The following TM2D3 variants were observed in gnomAD, a reference collection of about 807,000 sequenced individuals.
The protein encoded by TM2D3 is TM2 domain-containing protein 3.
In TM2D3, 33 loss-of-function variants were observed where a neutral mutation model predicts 27.3. That is an observed-to-expected ratio of 1.21 (90% CI 0.92 to 1.61). The LOEUF (loss-of-function observed/expected upper bound fraction) is 1.61, where lower values mean the gene tolerates loss of function less well. TM2D3 is among the 40% of genes most tolerant of loss of function. TM2D3 has a pLI of 0.00. For synonymous variants in TM2D3, 138 were observed against 122.2 expected (o/e 1.13, Z -0.85); for missense variants, 364 against 320.8 (o/e 1.13, Z -1.03).
At chr15:101,649,600 T>C (rs1896915235) in intron 3 of TM2D3, among the ~76,000 whole-genome samples, 1 of 152,244 alleles carries the variant, frequency 6.6e-6, no homozygotes, top group Admixed American at 6.5e-5. Context: ...AGATAAGCAC[T>C]GGCCCTTCAA....
At chr15:101,651,261 C>T (rs948685592) in intron 2 of TM2D3, 3 of 159,004 alleles carry the variant, frequency 1.9e-5, no homozygotes, top group African/African-American at 7.2e-5. Flanking sequence ...TGTTCAAGAT[C>T]CCAGTAGCAA....
At chr15:101,638,612 C>T (rs1285560666), downstream of TM2D3, among the ~76,000 whole-genome samples, 1 of 152,098 alleles carries the variant, frequency 6.6e-6, no homozygotes, top group Non-Finnish European at 1.5e-5. Context: ...GTGAGACTTT[C>T]TGAGTTTTGT....
At chr15:101,647,767 C>G (rs1024721548) in intron 3 of TM2D3, among the ~76,000 whole-genome samples, 1 of 152,020 alleles carries the variant, frequency 6.6e-6, no homozygotes, top group Admixed American at 6.6e-5. Flanking sequence ...ACTGAAAGCA[C>G]TTTGTAGTCT....
At chr15:101,651,583 A>T (rs925904387) in intron 2 of TM2D3, 113 bp downstream of exon 2, 9 of 1,055,124 alleles carry the variant, frequency 8.5e-6, no homozygotes, top group Non-Finnish European at 1.3e-5. Context: ...AAAATACAAT[A>T]AATATTCAAA....
chr15:101,642,346 A>G lies in TM2D3; in HGVS notation c.*133T>C, dbSNP rs1896689108. On this transcript the variant is annotated 3_prime_UTR_variant, in exon 6 of 6. Transcript: ENST00000333202. ...CATAGTTCAGCGTTTCATTTATCTT[A>G]CCTTTATCAAGGCAAACAAAGTACA... 7.4e-7 allele frequency: 1 copy of G among 1,348,398 alleles called. No homozygotes were observed. Among genetic ancestry groups the G allele is most frequent in the African/African-American group, 1.5e-5 (1 of 67,388 alleles). 83.5% of individuals were successfully genotyped at this position (1,348,398 alleles called of 1,614,324 possible). A position where few individuals can be genotyped will look rare whatever the true frequency, so the allele number is the denominator to read the frequency against.
At chr15:101,638,248 T>G (rs948573075), downstream of TM2D3, among the ~76,000 whole-genome samples, 2 of 150,318 alleles carry the variant, frequency 1.3e-5, no homozygotes, top group Non-Finnish European at 2.9e-5. Flanking sequence ...TATAGATACC[T>G]CTCTTTCTCC....
At chr15:101,651,840 G>A (rs1896983960) in intron 1 of TM2D3, 67 bp from the exon 2 acceptor site, 7 of 1,542,512 alleles carry the variant, frequency 4.5e-6, no homozygotes, top group Admixed American at 1.7e-5. Context: ...TATTTTGTGT[G>A]GTTAACACGG....
chr15:101,644,509 C>T (rs181935308), intron 5 of TM2D3, among the ~76,000 whole-genome samples: 8 of 152,306 alleles, frequency 5.3e-5, no homozygotes, highest in African/African-American at 1.9e-4. Flanking sequence ...GGGTCTCAGG[C>T]ACGAACTCAA....
At chr15:101,642,930 C>T (rs1896705877) in intron 5 of TM2D3, among the ~76,000 whole-genome samples, 1 of 152,056 alleles carries the variant, frequency 6.6e-6, no homozygotes, top group South Asian at 2.1e-4. Context: ...CAAAATAAAG[C>T]AAAGACCCAG....
chr15:101,641,518 G>A (rs998174114), downstream of TM2D3, among the ~76,000 whole-genome samples: 2 of 152,234 alleles, frequency 1.3e-5, no homozygotes, highest in African/African-American at 4.8e-5. Context: ...GTGGTTAACA[G>A]TCTTCTGGAT....
intron 3 of TM2D3, among the ~76,000 whole-genome samples, chr15:101,647,512 C>A (rs1896846606): frequency 6.6e-6 from 1 of 152,210 alleles, no homozygotes; most frequent in Non-Finnish European, 1.5e-5. Flanking sequence ...CCAGAGGCAG[C>A]CCAACTCAGA....
chr15:101,647,101 A>G (rs1896834489), intron 3 of TM2D3, among the ~76,000 whole-genome samples: 1 of 152,184 alleles, frequency 6.6e-6, no homozygotes, highest in Non-Finnish European at 1.5e-5. Context: ...ATAAAACTAC[A>G]CACCCAAACA....
Position 101,646,702 on chromosome 15 carries a change from A to G in TM2D3, c.502+23T>C, listed in dbSNP as rs79256877. The G allele has an allele frequency of 0.012, 20,007 of 1,613,760 alleles. 1,176 individuals carry two copies. In the African/African-American group the frequency reaches 0.17, roughly 14 times the overall value. On this transcript the variant is annotated intron_variant, in intron 4 of 5. Coordinates refer to ENST00000333202, the MANE Select transcript of TM2D3 (RefSeq NM_078474.3). ...CTTGGAGAAAAACATTTTGTTGACA[A>G]ATGTCCTTGAACTCTGACCTACCCA...
rs183219608 is a variant in TM2D3 at position 101,642,337 on chromosome 15, A to C, written c.*142T>G. 2,622 of 1,337,206 alleles carry C rather than the reference A, an allele frequency of 2.0e-3. 5 individuals carry two copies. The highest frequency in any genetic ancestry group is 2.3e-3 in the Non-Finnish European group (2,394 of 1,041,014). The allele number at this position is 1,337,206 out of a possible 1,614,324, so 82.8% of individuals were successfully genotyped here. ...CCAGATTAGCATAGTTCAGCGTTTCATTTATCTTACCTTTATCAAGGCAAA... is the reference window on the plus strand; with the variant it reads ...CCAGATTAGCATAGTTCAGCGTTTCCTTTATCTTACCTTTATCAAGGCAAA... On this transcript the variant is annotated 3_prime_UTR_variant, in exon 6 of 6. Coordinates refer to ENST00000333202, the MANE Select transcript of TM2D3 (RefSeq NM_078474.3).
chr15:101,635,617 G>C (rs1896534550), intron 4 of TM2D3: 1 of 152,176 alleles, frequency 6.6e-6, no homozygotes, highest in African/African-American at 2.4e-5. Context: ...CTGCTTGATG[G>C]GGAGGGGCGG....
At chr15:101,638,063 C>T (rs1311054190), downstream of TM2D3, among the ~76,000 whole-genome samples, 1 of 152,100 alleles carries the variant, frequency 6.6e-6, no homozygotes, top group Admixed American at 6.5e-5. Context: ...AAAGTTTCCT[C>T]CCCAGGGAAT....
At chr15:101,636,554 C>T (rs1896554382) in intron 4 of TM2D3, 1 of 155,018 alleles carries the variant, frequency 6.5e-6, no homozygotes. Context: ...TAGTTCTTAT[C>T]ATAGGTACAT....
At chr15:101,634,769 AAACT>A (rs1404653592) in intron 4 of TM2D3, 9 of 152,244 alleles carry the variant, frequency 5.9e-5, no homozygotes, top group Non-Finnish European at 1.2e-4. Flanking sequence ...AACCAGCTAC[AAACT>A]AAGTACAAAA....
rs767928637 is a variant in TM2D3 at position 101,642,535 on chromosome 15, C to T, written c.688G>A (p.Val230Ile). ...GGLGIWTLID[V>I]LLIGVGYVGP... ...ACATAGCCAACTCCAATGAGCAGGACGTCTATCAGCGTCCATATTCCCAGG... is the reference window on the plus strand; with the variant it reads ...ACATAGCCAACTCCAATGAGCAGGATGTCTATCAGCGTCCATATTCCCAGG... The change falls in exon 6 of 6, where the codon GTC becomes ATC. Residue 230 changes from valine to isoleucine, a missense_variant. By Grantham distance (29) the Val-to-Ile change is conservative. Transcript: ENST00000333202. 33 of 1,613,382 alleles carry T rather than the reference C, an allele frequency of 2.0e-5. No homozygotes were observed. Among genetic ancestry groups the T allele is most frequent in the Non-Finnish European group, 2.2e-5 (26 of 1,179,844 alleles).
Sources: allele counts gnomAD v4.1 joint callset (sites outside exome capture counted in the v4.1 genomes callset), GRCh38; gene constraint gnomAD v4.1.1; transcripts MANE v1.5; gene names NCBI Gene and HGNC (gene_info 2026-07-23, HGNC 2026-07-21).